Variants in ANXA2 observed in about 807,000 individuals in gnomAD.
ANXA2 encodes annexin II.
In ANXA2, 28 loss-of-function variants were observed where a neutral mutation model predicts 47.3. The observed-to-expected ratio is 0.59, with a 90% CI of 0.44 to 0.81. ANXA2 has a LOEUF of 0.81. Ranked by LOEUF, ANXA2 falls within the 40% of genes least tolerant of loss-of-function variation. The pLI is 0.00. For missense variants in ANXA2, 384 were observed against 414.3 expected (o/e 0.93, Z 0.64); for synonymous variants, 172 against 155.5 (o/e 1.11, Z -0.79).
At chr15:60,348,549 C>T (rs1335834586) in intron 12 of ANXA2, among the ~76,000 whole-genome samples, 1 of 152,068 alleles carries the variant, frequency 6.6e-6, no homozygotes, top group Non-Finnish European at 1.5e-5. Flanking sequence ...TCGAGACCAT[C>T]CTGGCTAACA....
At chr15:60,356,031 C>G (rs775453885) in intron 6 of ANXA2, 33 bp from the exon 7 acceptor site, 1 of 1,554,106 alleles carries the variant, frequency 6.4e-7, no homozygotes, top group South Asian at 1.1e-5. Context: ...TTTATGCTTT[C>G]TGCCTGTGTA....
intron 1 of ANXA2, chr15:60,396,145 G>C (rs977232553): frequency 3.3e-5 from 5 of 151,972 alleles, no homozygotes; most frequent in African/African-American, 1.2e-4. Flanking sequence ...TTGCTATGTT[G>C]CTCACATTGG....
In ANXA2 at chr15:60,382,695, A is replaced by G. The variant is rs185854945; in HGVS notation, c.49-254T>C. 69 of 319,960 alleles carry G rather than the reference A, an allele frequency of 2.2e-4. 1 individual carries two copies. The highest frequency in any genetic ancestry group is 1.4e-3 in the African/African-American group (68 of 47,158). The allele number at this position is 319,960 out of a possible 1,614,324, so 19.8% of individuals were successfully genotyped here. ...TCAACTTCTCATCTTACTTTTAGTG[A>G]GAGATCAAAAGTAGACAATGCAAAG... is the stretch of plus-strand genomic sequence containing the variant. On this transcript the variant is annotated intron_variant, in intron 2 of 12. Transcript: ENST00000451270.
chr15:60,353,784 C>G lies in ANXA2; in HGVS notation c.588+370G>C, dbSNP rs558061891. ...GCAGATTGCTTGCTCTGGGGAAAGC[C>G]GGCTGCCATGTTGTGAGGACGCTCA... On this transcript the variant is annotated intron_variant, in intron 8 of 12. Coordinates refer to ENST00000451270, the MANE Select transcript of ANXA2 (RefSeq NM_004039.3). 3.3e-5 allele frequency among the ~76,000 whole-genome samples: 5 copies of G among 152,278 alleles called. No individual in the cohort carries two copies. In the South Asian group the frequency reaches 1.0e-3, roughly 32 times the overall value.
At chr15:60,357,626 T>C (rs2062452640) in intron 5 of ANXA2, among the ~76,000 whole-genome samples, 9 of 152,122 alleles carry the variant, frequency 5.9e-5, no homozygotes, top group Admixed American at 5.9e-4. Flanking sequence ...ACCCCATCTC[T>C]ACTAAAAATA....
In ANXA2 at chr15:60,349,005, G is replaced by A. The variant is rs544706460; in HGVS notation, c.960+70C>T. On this transcript the variant is annotated intron_variant, in intron 12 of 12. Transcript: ENST00000451270. ...AAAATCGCCACTCTGTCATCATTCT[G>A]CCAGGCCACCTGCCAGGGCCCGGGG... 1.1e-5 allele frequency: 17 copies of A among 1,589,348 alleles called. No individual in the cohort carries two copies. The East Asian group carries it at 3.6e-4, about 34-fold the overall frequency.
chr15:60,366,059 C>A (rs1015188258), intron 3 of ANXA2, among the ~76,000 whole-genome samples: 1 of 133,664 alleles, frequency 7.5e-6, no homozygotes, highest in Non-Finnish European at 1.6e-5. Flanking sequence ...CTGTGTTGGC[C>A]GGGCTGGTCT....
At chr15:60,370,864 GA>G (rs1490252310) in intron 3 of ANXA2, among the ~76,000 whole-genome samples, 1 of 152,164 alleles carries the variant, frequency 6.6e-6, no homozygotes, top group African/African-American at 2.4e-5. Context: ...AGAAGAAACA[GA>G]AAACCTGAAT....
chr15:60,363,569 A>T (rs2062548873), intron 4 of ANXA2, among the ~76,000 whole-genome samples: 1 of 152,248 alleles, frequency 6.6e-6, no homozygotes, highest in South Asian at 2.1e-4. Context: ...AGAAGTTAAA[A>T]ATAAAGCAGC....
chr15:60,380,532 G>A (rs552642389), intron 3 of ANXA2, among the ~76,000 whole-genome samples: 65 of 150,998 alleles, frequency 4.3e-4, no homozygotes, highest in South Asian at 2.3e-3. Context: ...GGCTGGGTGC[G>A]ACGGCTCATA....
intron 5 of ANXA2, among the ~76,000 whole-genome samples, chr15:60,359,250 A>T (rs1595670969): frequency 6.6e-6 from 1 of 152,220 alleles, no homozygotes; most frequent in Non-Finnish European, 1.5e-5. Flanking sequence ...TGACAGCTCA[A>T]AAAGGTCTGT....
At chr15:60,363,510 G>C (rs547395664) in intron 4 of ANXA2, among the ~76,000 whole-genome samples, 6 of 152,310 alleles carry the variant, frequency 3.9e-5, no homozygotes, top group African/African-American at 1.4e-4. Flanking sequence ...GCTGCAGGAA[G>C]CCACACTTAC....
chr15:60,394,365 G>C (rs774170005), intron 1 of ANXA2, among the ~76,000 whole-genome samples: 4 of 152,090 alleles, frequency 2.6e-5, no homozygotes, highest in African/African-American at 4.8e-5. Context: ...AGGCCACTTG[G>C]GTGCTACCGA....
intron 1 of ANXA2, among the ~76,000 whole-genome samples, chr15:60,388,940 C>A (rs1377791): frequency 0.034 from 5,211 of 151,516 alleles, 302 homozygotes; most frequent in African/African-American, 0.12. Context: ...GTCGCGTTAC[C>A]TTGCCCAGGC....
rs541242710 is a variant in ANXA2 at position 60,376,033 on chromosome 15, G to A, written c.148+6309C>T. ...GAGGGCCGTGAACAGAGCCAGAGAC[G>A]AGGCTAGAAAGATACTCTGTAAAGG... On this transcript the variant is annotated intron_variant, in intron 3 of 12. Coordinates refer to ENST00000451270, the MANE Select transcript of ANXA2 (RefSeq NM_004039.3). Among the ~76,000 whole-genome samples, 43 of 152,246 alleles carry A rather than the reference G, an allele frequency of 2.8e-4. No homozygotes were observed. The South Asian group carries it at 7.5e-3, about 26-fold the overall frequency.
intron 1 of ANXA2, among the ~76,000 whole-genome samples, chr15:60,388,140 A>T (rs1221343474): frequency 6.6e-6 from 1 of 151,928 alleles, no homozygotes; most frequent in Admixed American, 6.6e-5. Context: ...GTGAGCCAAG[A>T]TCACACCACT....
At chr15:60,384,490 T>G (rs1408721267) in intron 2 of ANXA2, 1 of 152,240 alleles carries the variant, frequency 6.6e-6, no homozygotes, top group East Asian at 1.9e-4. Context: ...CATTTTCTAT[T>G]TCTGCCCCAC....
At chr15:60,376,939 C>T (rs889182519) in intron 3 of ANXA2, among the ~76,000 whole-genome samples, 5 of 152,242 alleles carry the variant, frequency 3.3e-5, no homozygotes, top group Non-Finnish European at 5.9e-5. Context: ...GAGTGGGTAG[C>T]GTCCCGGCAC....
chr15:60,377,034 G>C (rs1229236178), intron 3 of ANXA2, among the ~76,000 whole-genome samples: 1 of 152,224 alleles, frequency 6.6e-6, no homozygotes, highest in Non-Finnish European at 1.5e-5. Context: ...TCTGGCTTTT[G>C]TTTCTATCAA....
Sources: gnomAD v4.1 joint callset for allele counts (sites outside exome capture counted in the v4.1 genomes callset) on GRCh38, gnomAD v4.1.1 for gene constraint, MANE v1.5 for transcripts, NCBI Gene and HGNC (gene_info 2026-07-23, HGNC 2026-07-21) for gene names.